SH3RF3: variants seen among roughly 807,000 people sequenced by gnomAD.
SH3RF3 encodes the protein SH3 domain containing ring finger 3.
In SH3RF3, 29 loss-of-function variants were observed where a neutral mutation model predicts 66.3. The ratio of observed to expected loss-of-function variants is 0.44; its 90% CI spans 0.33 to 0.60. The LOEUF (loss-of-function observed/expected upper bound fraction) is 0.60. Ranked by LOEUF, SH3RF3 falls within the 20% of genes least tolerant of loss-of-function variation. SH3RF3 has a pLI of 0.04. For missense variants in SH3RF3, 1,194 were observed against 1,190.9 expected, an observed-to-expected ratio of 1.00 and a Z score of -0.04; for synonymous variants, 583 against 532.0, an observed-to-expected ratio of 1.10 and a Z score of -1.32.
chr2:109,450,171 C>T (rs1024534360), intron 8 of SH3RF3, among the ~76,000 whole-genome samples: 4 of 151,886 alleles, frequency 2.6e-5, no homozygotes, highest in Admixed American at 2.6e-4. Flanking sequence ...CATGGCAAAA[C>T]CCCATCTCTA....
At chr2:109,340,654 A>T (rs965052146) in intron 1 of SH3RF3, among the ~76,000 whole-genome samples, 5 of 152,178 alleles carry the variant, frequency 3.3e-5, no homozygotes, top group African/African-American at 1.2e-4. Flanking sequence ...CTCAGCAAGT[A>T]GTCAATGATC....
chr2:109,142,603 C>A (rs987828320), intron 1 of SH3RF3, among the ~76,000 whole-genome samples: 20 of 152,258 alleles, frequency 1.3e-4, no homozygotes, highest in Admixed American at 1.2e-3. Context: ...TCACCAGAAG[C>A]CTCTCTGGGT....
chr2:109,259,496 C>A (rs548634340), intron 1 of SH3RF3, among the ~76,000 whole-genome samples: 1 of 152,312 alleles, frequency 6.6e-6, no homozygotes, highest in East Asian at 1.9e-4. Context: ...CCTTGATTTT[C>A]CTTCTGTGCA....
chr2:109,255,973 G>T (rs72937590), intron 1 of SH3RF3, among the ~76,000 whole-genome samples: 3,020 of 152,310 alleles, frequency 0.02, 110 homozygotes, highest in African/African-American at 0.068. Context: ...GGATGCACCT[G>T]TCCCCTGAGG....
intron 8 of SH3RF3, among the ~76,000 whole-genome samples, chr2:109,451,088 A>C (rs1677854749): frequency 6.6e-6 from 1 of 152,228 alleles, no homozygotes; most frequent in African/African-American, 2.4e-5. Flanking sequence ...GCAGGGCCTC[A>C]GCACCTCCTG....
chr2:109,479,475 T>C (rs1678775915), intron 8 of SH3RF3, among the ~76,000 whole-genome samples: 2 of 152,192 alleles, frequency 1.3e-5, no homozygotes, highest in African/African-American at 2.4e-5. Flanking sequence ...TCCGGTTTGG[T>C]ACTTTTTAAT....
chr2:109,165,121 C>G (rs1001533384), intron 1 of SH3RF3, among the ~76,000 whole-genome samples: 1 of 152,196 alleles, frequency 6.6e-6, no homozygotes, highest in East Asian at 1.9e-4. Context: ...GGCTTCCCCC[C>G]TCCTTTAGTA....
intron 1 of SH3RF3, among the ~76,000 whole-genome samples, chr2:109,174,596 C>T (rs1424488177): frequency 6.6e-6 from 1 of 152,130 alleles, no homozygotes; most frequent in Non-Finnish European, 1.5e-5. Context: ...CTATGGTGTT[C>T]GTATCTAGGT....
intron 4 of SH3RF3, among the ~76,000 whole-genome samples, chr2:109,415,021 G>C (rs1676685310): frequency 6.6e-6 from 1 of 152,240 alleles, no homozygotes; most frequent in Non-Finnish European, 1.5e-5. Flanking sequence ...GGAAGCAGAG[G>C]CCAGAGTCAG....
chr2:109,143,549 C>G (rs1163025168), intron 1 of SH3RF3, among the ~76,000 whole-genome samples: 1 of 152,036 alleles, frequency 6.6e-6, no homozygotes, highest in African/African-American at 2.4e-5. Flanking sequence ...TTGAGACCAG[C>G]CTGGGCAACA....
At chr2:109,255,183 G>C (rs866206685) in intron 1 of SH3RF3, among the ~76,000 whole-genome samples, 1 of 152,192 alleles carries the variant, frequency 6.6e-6, no homozygotes, top group East Asian at 1.9e-4. Context: ...TGTGTGTGTG[G>C]CATTTCACTT....
intron 5 of SH3RF3, among the ~76,000 whole-genome samples, chr2:109,429,132 C>T (rs774151564): frequency 7.2e-5 from 11 of 152,114 alleles, no homozygotes; most frequent in African/African-American, 1.2e-4. Flanking sequence ...TGGGAAGGGC[C>T]GGTCTCGGCA....
At chr2:109,262,463 T>A (rs1403974566) in intron 1 of SH3RF3, among the ~76,000 whole-genome samples, 11 of 152,192 alleles carry the variant, frequency 7.2e-5, no homozygotes, top group Admixed American at 7.2e-4. Flanking sequence ...CAAGAGCCCA[T>A]AGGACAGTGT....
intron 1 of SH3RF3, among the ~76,000 whole-genome samples, chr2:109,209,358 G>A (rs181280658): frequency 6.6e-6 from 1 of 152,160 alleles, no homozygotes; most frequent in Admixed American, 6.5e-5. Context: ...ACGTTTAACA[G>A]TTGGCTTCCT....
intron 8 of SH3RF3, among the ~76,000 whole-genome samples, chr2:109,460,026 A>G (rs921735263): frequency 6.6e-6 from 1 of 152,204 alleles, no homozygotes; most frequent in Admixed American, 6.5e-5. Context: ...TGAGTCTTCA[A>G]AAGGTCATTC....
At chr2:109,263,385 T>G (rs998088555) in intron 1 of SH3RF3, among the ~76,000 whole-genome samples, 1 of 152,252 alleles carries the variant, frequency 6.6e-6, no homozygotes, top group Non-Finnish European at 1.5e-5. Context: ...TTATTTTGTC[T>G]TTATTTTTTA....
chr2:109,389,280 A>G (rs1024746998), intron 3 of SH3RF3, among the ~76,000 whole-genome samples: 1 of 152,212 alleles, frequency 6.6e-6, no homozygotes, highest in African/African-American at 2.4e-5. Context: ...CTTGTGCATC[A>G]GGTTCACACC....
At chr2:109,259,629 G>T (rs935261565) in intron 1 of SH3RF3, among the ~76,000 whole-genome samples, 1 of 152,238 alleles carries the variant, frequency 6.6e-6, no homozygotes, top group African/African-American at 2.4e-5. Flanking sequence ...AGAAGTTGGT[G>T]ACAGGGAGAC....
intron 8 of SH3RF3, among the ~76,000 whole-genome samples, chr2:109,486,856 G>A (rs1034405870): frequency 2.6e-5 from 4 of 152,204 alleles, no homozygotes; most frequent in African/African-American, 7.2e-5. Flanking sequence ...CACCTTTCTC[G>A]GCAGATCTGT....
Sources: gnomAD v4.1 joint callset for allele counts (sites outside exome capture counted in the v4.1 genomes callset) on GRCh38, gnomAD v4.1.1 for gene constraint, MANE v1.5 for transcripts, NCBI Gene and HGNC (gene_info 2026-07-23, HGNC 2026-07-21) for gene names.